The following SYNPR variants were observed in gnomAD, a reference collection of about 807,000 sequenced individuals.
SYNPR encodes synaptoporin.
SYNPR carries 23 observed loss-of-function variants against 32.9 expected under a neutral mutation model. The ratio of observed to expected loss-of-function variants is 0.70; its 90% CI spans 0.50 to 0.99. The LOEUF (loss-of-function observed/expected upper bound fraction) is 0.99. Among genes scored for constraint, SYNPR ranks in the 50% least tolerant of loss-of-function variants. The pLI is 0.00. For missense variants in SYNPR, 318 were observed against 349.3 expected (o/e 0.91, Z 0.71); for synonymous variants, 146 against 135.9 (o/e 1.07, Z -0.52).
chr3:63,530,209 C>T (rs79326321), intron 3 of SYNPR, among the ~76,000 whole-genome samples: 2,731 of 152,198 alleles, frequency 0.018, 68 homozygotes, highest in African/African-American at 0.059. Context: ...AAAGAACTCC[C>T]ATATTGTTAT....
chr3:63,304,110 G>A (rs1053539976), intron 2 of SYNPR, among the ~76,000 whole-genome samples: 1 of 151,970 alleles, frequency 6.6e-6, no homozygotes, highest in Admixed American at 6.6e-5. Flanking sequence ...TGTTTATTCT[G>A]CAGCAGTGAT....
intron 2 of SYNPR, among the ~76,000 whole-genome samples, chr3:63,436,558 C>T (rs534875142): frequency 5.2e-4 from 79 of 152,216 alleles, no homozygotes; most frequent in African/African-American, 1.7e-3. Context: ...TCTAAAGGGA[C>T]TCAGCCCCTC....
At chr3:63,583,319 A>T (rs1048800586) in intron 4 of SYNPR, among the ~76,000 whole-genome samples, 2 of 152,062 alleles carry the variant, frequency 1.3e-5, no homozygotes, top group Non-Finnish European at 2.9e-5. Flanking sequence ...GGCCATGTGG[A>T]CATATATGTG....
intron 2 of SYNPR, among the ~76,000 whole-genome samples, chr3:63,354,263 G>A (rs2087546523): frequency 6.6e-6 from 1 of 152,174 alleles, no homozygotes; most frequent in Non-Finnish European, 1.5e-5. Flanking sequence ...TCTGAGCTTT[G>A]CTGGGCTGGC....
chr3:63,381,365 C>A (rs1431723576), intron 2 of SYNPR, among the ~76,000 whole-genome samples: 2 of 152,138 alleles, frequency 1.3e-5, no homozygotes, highest in Non-Finnish European at 2.9e-5. Context: ...AGGACCTCTT[C>A]AAGGAGAACT....
At chr3:63,432,078 T>G (rs1700007263) in intron 2 of SYNPR, among the ~76,000 whole-genome samples, 1 of 152,142 alleles carries the variant, frequency 6.6e-6, no homozygotes, top group South Asian at 2.1e-4. Flanking sequence ...GGAGGATAAA[T>G]TCACCTGCTT....
At chr3:63,516,852 T>C (rs1701810264) in intron 3 of SYNPR, among the ~76,000 whole-genome samples, 1 of 152,176 alleles carries the variant, frequency 6.6e-6, no homozygotes, top group South Asian at 2.1e-4. Context: ...TTGCTTTACA[T>C]GTGGTTCATG....
chr3:63,246,116 A>G (rs1206849772), intron 1 of SYNPR, among the ~76,000 whole-genome samples: 1 of 152,112 alleles, frequency 6.6e-6, no homozygotes, highest in Non-Finnish European at 1.5e-5. Context: ...ACAAGGGCAG[A>G]CAAGGAGAAC....
At chr3:63,569,420 T>C (rs1195032975) in intron 4 of SYNPR, among the ~76,000 whole-genome samples, 1 of 152,162 alleles carries the variant, frequency 6.6e-6, no homozygotes, top group African/African-American at 2.4e-5. Flanking sequence ...CCCTGAAATC[T>C]TATGCTGTTG....
intron 2 of SYNPR, among the ~76,000 whole-genome samples, chr3:63,299,907 G>C (rs1000676758): frequency 2.6e-5 from 4 of 152,036 alleles, no homozygotes; most frequent in Non-Finnish European, 4.4e-5. Context: ...TTGTATGTTG[G>C]GGATACTAAT....
intron 4 of SYNPR, among the ~76,000 whole-genome samples, chr3:63,576,070 C>T (rs1312762671): frequency 2.6e-5 from 4 of 152,140 alleles, no homozygotes; most frequent in Non-Finnish European, 5.9e-5. Flanking sequence ...TCCCTTCTGA[C>T]ACTACAGCTA....
rs114914359 is a variant in SYNPR, at chr3:63,610,261, G to A, written c.600+945G>A. On this transcript the variant is annotated intron_variant, in intron 5 of 5. Coordinates refer to ENST00000478300, the MANE Select transcript of SYNPR (RefSeq NM_001130003.2). ...AAAGAGAAAATCTGACAGTTAGCAG[G>A]GACACTAAATTGGATTTTTAATTTA... Among the ~76,000 whole-genome samples the A allele has an allele frequency of 6.6e-3, 998 of 152,160 alleles. 6 individuals carry two copies. The highest frequency in any genetic ancestry group is 0.012 in the Non-Finnish European group (790 of 68,010).
At chr3:63,499,700 T>C (rs1701441888) in intron 3 of SYNPR, among the ~76,000 whole-genome samples, 1 of 152,196 alleles carries the variant, frequency 6.6e-6, no homozygotes, top group Admixed American at 6.5e-5. Context: ...GAGCTGCCTC[T>C]GTATTTCTTA....
chr3:63,379,713 G>C (rs961315039), intron 2 of SYNPR, among the ~76,000 whole-genome samples: 1 of 151,508 alleles, frequency 6.6e-6, no homozygotes, highest in East Asian at 1.9e-4. Context: ...TATACTCTAA[G>C]TTTTAGGGTA....
chr3:63,374,370 A>C (rs980632010), intron 2 of SYNPR, among the ~76,000 whole-genome samples: 3 of 152,152 alleles, frequency 2.0e-5, no homozygotes, highest in Admixed American at 1.3e-4. Flanking sequence ...CTCACTTATA[A>C]ATGGGAGCTA....
chr3:63,416,165 G>C (rs1405653496), intron 2 of SYNPR, among the ~76,000 whole-genome samples: 2 of 152,294 alleles, frequency 1.3e-5, no homozygotes, highest in South Asian at 4.1e-4. Flanking sequence ...GCATTTTATT[G>C]TATTTCATTC....
At chr3:63,420,800 G>T (rs1050365768) in intron 2 of SYNPR, among the ~76,000 whole-genome samples, 1 of 152,124 alleles carries the variant, frequency 6.6e-6, no homozygotes, top group Admixed American at 6.5e-5. Flanking sequence ...GTTGTATTCA[G>T]AATGTTTAAA....
At chr3:63,492,374 A>T (rs2106718375) in intron 3 of SYNPR, among the ~76,000 whole-genome samples, 1 of 152,326 alleles carries the variant, frequency 6.6e-6, no homozygotes, top group East Asian at 1.9e-4. Context: ...TAATTCTACG[A>T]AAATACAGAG....
At chr3:63,560,165 C>G (rs1471005947) in intron 4 of SYNPR, among the ~76,000 whole-genome samples, 2 of 151,724 alleles carry the variant, frequency 1.3e-5, no homozygotes, top group East Asian at 3.9e-4. Flanking sequence ...TTCTAGTAAT[C>G]AAAAAAGAAA....
Sources: allele counts gnomAD v4.1 joint callset (sites outside exome capture counted in the v4.1 genomes callset), GRCh38; gene constraint gnomAD v4.1.1; transcripts MANE v1.5; gene names NCBI Gene and HGNC (gene_info 2026-07-23, HGNC 2026-07-21).